Variants in MAP2K4 observed in about 807,000 individuals in gnomAD.
MAP2K4 encodes the protein dual specificity mitogen-activated protein kinase kinase 4.
Under a neutral mutation model 48.5 loss-of-function variants are expected in MAP2K4, and 4 were observed. The observed-to-expected ratio is 0.08, with a 90% CI of 0.04 to 0.19. The LOEUF is 0.19. MAP2K4 is among the 10% of genes least tolerant of loss of function. The pLI is 1.00. For missense variants in MAP2K4, 258 were observed against 493.3 expected, an observed-to-expected ratio of 0.52 and a Z score of 4.52; for synonymous variants, 166 against 173.1, an observed-to-expected ratio of 0.96 and a Z score of 0.32.
chr17:12,061,890 C>T (rs1240642275), intron 2 of MAP2K4, among the ~76,000 whole-genome samples: 3 of 146,844 alleles, frequency 2.0e-5, no homozygotes, highest in African/African-American at 7.3e-5. Context: ...TAACTTTTTT[C>T]AGTGTGTTTT....
At chr17:12,109,119 A>C (rs1382921427) in intron 5 of MAP2K4, among the ~76,000 whole-genome samples, 3 of 152,150 alleles carry the variant, frequency 2.0e-5, no homozygotes, top group Non-Finnish European at 4.4e-5. Context: ...ATAAATCTGA[A>C]GCATAGACAG....
chr17:12,141,332 T>G lies in MAP2K4; in HGVS notation c.*72T>G. On this transcript the variant is annotated 3_prime_UTR_variant, in exon 11 of 11. Transcript: ENST00000353533. The stretch of plus-strand genomic sequence containing the variant: ...AGACGTAAAGAATTTTCATCCCGTA[T>G]CACAGTGTTTTTATTGCTCGCCCAG... The G allele has an allele frequency of 6.5e-6, 7 of 1,074,780 alleles. No homozygotes were observed. In the South Asian group the frequency reaches 8.8e-5, roughly 13 times the overall value. 66.6% of individuals were successfully genotyped at this position (1,074,780 alleles called of 1,614,324 possible).
At chr17:12,103,574 T>C (rs1972010283) in intron 4 of MAP2K4, among the ~76,000 whole-genome samples, 1 of 152,196 alleles carries the variant, frequency 6.6e-6, no homozygotes, top group Non-Finnish European at 1.5e-5. Context: ...ATATTTACTC[T>C]TTATATGTCT....
chr17:12,045,582 A>G (rs1482610071), intron 1 of MAP2K4, among the ~76,000 whole-genome samples: 1 of 152,248 alleles, frequency 6.6e-6, no homozygotes, highest in African/African-American at 2.4e-5. Flanking sequence ...TAAGATTGCT[A>G]CTAAAAAAAT....
chr17:12,055,178 C>T (rs921042437), intron 2 of MAP2K4, among the ~76,000 whole-genome samples, 187 bp downstream of exon 2: 3 of 152,022 alleles, frequency 2.0e-5, no homozygotes, highest in African/African-American at 7.2e-5. Context: ...ATTTGACTGT[C>T]TTCTGTCCAA....
intron 2 of MAP2K4, among the ~76,000 whole-genome samples, chr17:12,060,507 TC>T (rs1274345475): frequency 6.6e-6 from 1 of 152,198 alleles, no homozygotes; most frequent in Non-Finnish European, 1.5e-5. Context: ...CCCAGAATAG[TC>T]CCAGGACATC....
At chr17:12,048,125 C>T (rs1262893324) in intron 1 of MAP2K4, among the ~76,000 whole-genome samples, 1 of 152,162 alleles carries the variant, frequency 6.6e-6, no homozygotes, top group East Asian at 1.9e-4. Context: ...GCTTTGGCCT[C>T]CCAAAGTGCT....
At chr17:12,071,032 T>G (rs1970788069) in intron 2 of MAP2K4, among the ~76,000 whole-genome samples, 1 of 152,228 alleles carries the variant, frequency 6.6e-6, no homozygotes, top group Non-Finnish European at 1.5e-5. Flanking sequence ...CTTCCTTGGC[T>G]TGTGGCAGCA....
At position 12,089,307 on chromosome 17, in the gene MAP2K4, G is replaced by A. The variant is rs200466268; in HGVS notation, c.394-6268G>A. The stretch of plus-strand genomic sequence containing the variant: ...TGAAGTATGGGTTTTAGCTAACCTA[G>A]TTATAGCAGATTCCACATAGATTGC... On this transcript the variant is annotated intron_variant, in intron 3 of 10. Transcript: ENST00000353533. Among the ~76,000 whole-genome samples, 6 of 152,266 alleles carry A rather than the reference G, an allele frequency of 3.9e-5. No individual in the cohort carries two copies. The East Asian group carries it at 1.2e-3, about 29-fold the overall frequency.
chr17:12,021,061 G>T (rs1969018389), intron 1 of MAP2K4, 60 bp downstream of exon 1: 2 of 1,062,408 alleles, frequency 1.9e-6, no homozygotes, highest in African/African-American at 1.7e-5. Context: ...GCGTCGTCGC[G>T]GCCTGCCCCA....
At chr17:12,093,463 AG>A (rs1971631239) in intron 3 of MAP2K4, among the ~76,000 whole-genome samples, 1 of 152,172 alleles carries the variant, frequency 6.6e-6, no homozygotes, top group South Asian at 2.1e-4. Flanking sequence ...CCCAAAAGTC[AG>A]TTATTGATGA....
chr17:12,103,212 AT>A (rs775147472), intron 4 of MAP2K4, among the ~76,000 whole-genome samples: 436 of 135,092 alleles, frequency 3.2e-3, no homozygotes, highest in Admixed American at 4.1e-3. Flanking sequence ...TGCTAATTGA[AT>A]TTTTTTTTTT....
chr17:12,059,545 A>G lies in MAP2K4; in HGVS notation c.218+4554A>G, dbSNP rs1970385074. Among the ~76,000 whole-genome samples the G allele has an allele frequency of 2.6e-5, 4 of 152,222 alleles. 1 individual carries two copies. The South Asian group carries it at 8.3e-4, about 32-fold the overall frequency. ...ATTGTCAAGAAAAAACACTAGCTTA[A>G]AAGTTAACACTGGAAATAAATAGTG... is the stretch of plus-strand genomic sequence containing the variant. On this transcript the variant is annotated intron_variant, in intron 2 of 10. Coordinates refer to ENST00000353533, the MANE Select transcript of MAP2K4 (RefSeq NM_003010.4).
intron 2 of MAP2K4, among the ~76,000 whole-genome samples, chr17:12,075,926 G>GT (rs1051037693): frequency 6.6e-6 from 1 of 152,096 alleles, no homozygotes; most frequent in African/African-American, 2.4e-5. Flanking sequence ...GTTAATAGTG[G>GT]TTTTTTTCTG....
chr17:12,025,476 T>C (rs907622203), intron 1 of MAP2K4, among the ~76,000 whole-genome samples: 5 of 152,246 alleles, frequency 3.3e-5, no homozygotes, highest in African/African-American at 1.2e-4. Context: ...CAGTTTTCAA[T>C]AGATGTTTTC....
chr17:12,057,304 AAGAC>A (rs754114111), intron 2 of MAP2K4, among the ~76,000 whole-genome samples: 20 of 152,332 alleles, frequency 1.3e-4, no homozygotes, highest in Non-Finnish European at 2.6e-4. Context: ...TGGATTTTGA[AAGAC>A]AGGCAGGGAA....
intron 1 of MAP2K4, chr17:12,021,283 G>A (rs1464722886): frequency 9.0e-6 from 2 of 223,324 alleles, no homozygotes; most frequent in Non-Finnish European, 1.7e-5. Flanking sequence ...CCTGGTCCGG[G>A]ACCGCCCCCG....
chr17:12,036,970 G>A (rs1266906392), intron 1 of MAP2K4, among the ~76,000 whole-genome samples: 3 of 151,940 alleles, frequency 2.0e-5, no homozygotes, highest in Admixed American at 2.0e-4. Flanking sequence ...AAATATTTTG[G>A]GTAGTGTTAA....
At chr17:12,100,851 G>T (rs762974014) in intron 4 of MAP2K4, among the ~76,000 whole-genome samples, 1 of 152,020 alleles carries the variant, frequency 6.6e-6, no homozygotes, top group African/African-American at 2.4e-5. Context: ...TTTACCAACC[G>T]TATATCTTTG....
Sources: gnomAD v4.1 joint callset for allele counts (sites outside exome capture counted in the v4.1 genomes callset) on GRCh38, gnomAD v4.1.1 for gene constraint, MANE v1.5 for transcripts, NCBI Gene and HGNC (gene_info 2026-07-23, HGNC 2026-07-21) for gene names.